The following NUDCD1 variants were observed in gnomAD, a reference collection of about 807,000 sequenced individuals.
The protein encoded by NUDCD1 is nudC domain-containing protein 1.
Under a neutral mutation model 67.8 loss-of-function variants are expected in NUDCD1, and 60 were observed. The observed-to-expected ratio is 0.88, with a 90% CI of 0.72 to 1.10. The LOEUF is 1.10. Ranked by LOEUF, NUDCD1 falls within the 50% of genes least tolerant of loss-of-function variation. The pLI is 0.00. For synonymous variants in NUDCD1, 244 were observed against 230.8 expected, an observed-to-expected ratio of 1.06 and a Z score of -0.52; for missense variants, 643 against 695.0, an observed-to-expected ratio of 0.93 and a Z score of 0.84.
intron 2 of NUDCD1, among the ~76,000 whole-genome samples, chr8:109,301,431 G>A (rs533106633): frequency 6.6e-6 from 1 of 152,320 alleles, no homozygotes; most frequent in East Asian, 1.9e-4. Flanking sequence ...GCACCCAGGT[G>A]AAATAAACAG....
chr8:109,271,004 C>G lies in NUDCD1; in HGVS notation c.1299+1G>C. ...TAGAAATATTAATATCAGTAACTTA[C>G]CACATGAGTAGTTTTTAATGTATTG... is the stretch of plus-strand genomic sequence containing the variant. On this transcript the variant is annotated splice_donor_variant, in intron 8 of 9. Coordinates refer to ENST00000239690, the MANE Select transcript of NUDCD1 (RefSeq NM_032869.4). LOFTEE classifies it high-confidence loss of function. The G allele has an allele frequency of 6.4e-7, 1 of 1,566,584 alleles. No individual in the cohort carries two copies.
At chr8:109,304,130 C>T (rs189451538) in intron 2 of NUDCD1, among the ~76,000 whole-genome samples, 13 of 152,294 alleles carry the variant, frequency 8.5e-5, no homozygotes, top group African/African-American at 3.1e-4. Context: ...CACTAGCTCT[C>T]CCTAACTCAT....
At chr8:109,263,898 C>G (rs953885380) in intron 8 of NUDCD1, among the ~76,000 whole-genome samples, 13 of 152,184 alleles carry the variant, frequency 8.5e-5, no homozygotes, top group African/African-American at 3.1e-4. Context: ...GCACCACATA[C>G]TAGTAATTAC....
chr8:109,280,545 G>A (rs1277041691), intron 6 of NUDCD1, among the ~76,000 whole-genome samples: 1 of 152,174 alleles, frequency 6.6e-6, no homozygotes, highest in Non-Finnish European at 1.5e-5. Flanking sequence ...GGGAGGATGG[G>A]TGACCCATAG....
intron 4 of NUDCD1, among the ~76,000 whole-genome samples, chr8:109,292,751 G>T (rs1814737633): frequency 6.6e-6 from 1 of 152,040 alleles, no homozygotes; most frequent in South Asian, 2.1e-4. Flanking sequence ...TAATTCATGA[G>T]ATTGTAATTT....
Position 109,248,158 on chromosome 8 carries a change from G to A in NUDCD1, c.1300-2677C>T, listed in dbSNP as rs563054166. 7.2e-5 allele frequency among the ~76,000 whole-genome samples: 11 copies of A among 152,258 alleles called. No individual in the cohort carries two copies. The South Asian group carries it at 8.3e-4, about 12-fold the overall frequency. The stretch of plus-strand genomic sequence containing the variant: ...GGCTTTGAAGACACAGGATGGGCCC[G>A]GCCACAAGCCAAGTAATGGAGGCAG... On this transcript the variant is annotated intron_variant, in intron 8 of 9. Transcript: ENST00000239690.
intron 8 of NUDCD1, among the ~76,000 whole-genome samples, chr8:109,257,741 G>C (rs1228674733): frequency 4.6e-5 from 7 of 152,080 alleles, no homozygotes; most frequent in Non-Finnish European, 1.0e-4. Context: ...GGGTCAGACA[G>C]TAAATATTTC....
chr8:109,299,642 C>T (rs1651034365), intron 2 of NUDCD1, among the ~76,000 whole-genome samples: 1 of 152,132 alleles, frequency 6.6e-6, no homozygotes, highest in African/African-American at 2.4e-5. Context: ...TAGCCCTGCC[C>T]CCACCCAATG....
intron 8 of NUDCD1, among the ~76,000 whole-genome samples, chr8:109,265,689 G>A (rs1476421840): frequency 1.3e-5 from 2 of 152,108 alleles, no homozygotes; most frequent in Non-Finnish European, 2.9e-5. Flanking sequence ...ATCTTTTCAC[G>A]GACAAAGGCA....
chr8:109,329,728 T>A, intron 1 of NUDCD1: 1 of 1,330,248 alleles, frequency 7.5e-7, no homozygotes, highest in South Asian at 1.3e-5. Context: ...AGTTGTACAT[T>A]TTAAATTTGT....
At chr8:109,280,463 C>G (rs1814406880) in intron 6 of NUDCD1, among the ~76,000 whole-genome samples, 1 of 152,072 alleles carries the variant, frequency 6.6e-6, no homozygotes, top group African/African-American at 2.4e-5. Context: ...AGTAGTTTTC[C>G]TTAAAGAAAA....
At chr8:109,258,060 C>G (rs995232185) in intron 8 of NUDCD1, among the ~76,000 whole-genome samples, 2 of 151,964 alleles carry the variant, frequency 1.3e-5, no homozygotes, top group African/African-American at 4.8e-5. Context: ...TTTTACATGT[C>G]CTAGTCAAGT....
At chr8:109,265,643 CT>C (rs2129930546) in intron 8 of NUDCD1, among the ~76,000 whole-genome samples, 1 of 152,276 alleles carries the variant, frequency 6.6e-6, no homozygotes, top group South Asian at 2.1e-4. Context: ...TGGTCCCCAA[CT>C]TTTTTGGCAC....
intron 4 of NUDCD1, among the ~76,000 whole-genome samples, chr8:109,291,706 A>G (rs1212488037): frequency 1.3e-5 from 2 of 152,210 alleles, no homozygotes; most frequent in African/African-American, 4.8e-5. Context: ...TAATGATTCT[A>G]TAACTACAAT....
intron 2 of NUDCD1, among the ~76,000 whole-genome samples, chr8:109,301,066 T>C (rs1814976369): frequency 6.6e-6 from 1 of 152,182 alleles, no homozygotes; most frequent in Non-Finnish European, 1.5e-5. Flanking sequence ...AATTCACCAC[T>C]ACCAAGCCAC....
Position 109,245,459 on chromosome 8 carries a change from T to C in NUDCD1, c.1322A>G (p.Tyr441Cys), listed in dbSNP as rs1471482897. ...AGGATCCACTATGACAGAGAAAAGG[T>C]ACTGGTTGCTTCCAAGATTCACCTA... Reference protein sequence around the residue: ...THVVNLGSNQYLFSVIVDPKE... With the variant: ...THVVNLGSNQCLFSVIVDPKE... Residue 441 changes from tyrosine to cysteine, a missense_variant, in exon 9 of 10, where the codon TAC becomes TGC. Transcript: ENST00000239690. The C allele has an allele frequency of 1.9e-6, 3 of 1,608,678 alleles. No homozygotes were observed. In the African/African-American group the frequency reaches 4.0e-5, roughly 22 times the overall value.
intron 8 of NUDCD1, among the ~76,000 whole-genome samples, chr8:109,253,018 C>T (rs1299483027): frequency 2.0e-5 from 3 of 152,140 alleles, no homozygotes; most frequent in Non-Finnish European, 4.4e-5. Context: ...TACAAGTAGC[C>T]AACCCATGTA....
intron 1 of NUDCD1, among the ~76,000 whole-genome samples, chr8:109,324,390 A>C (rs970990950): frequency 1.1e-4 from 17 of 151,332 alleles, no homozygotes; most frequent in Admixed American, 6.6e-5. Context: ...TTTCAAAAAA[A>C]TACAAAAAAA....
intron 8 of NUDCD1, among the ~76,000 whole-genome samples, chr8:109,269,937 T>G (rs1330468995): frequency 1.9e-5 from 2 of 102,822 alleles, no homozygotes; most frequent in East Asian, 4.8e-4. Flanking sequence ...TCTAATAAGG[T>G]TCTAAATTAA....
Sources: allele counts gnomAD v4.1 joint callset (sites outside exome capture counted in the v4.1 genomes callset), GRCh38; gene constraint gnomAD v4.1.1; transcripts MANE v1.5; gene names NCBI Gene and HGNC (gene_info 2026-07-23, HGNC 2026-07-21).